The following FKBP6 variants were observed in gnomAD, a reference collection of about 807,000 sequenced individuals.
FKBP6 encodes inactive peptidyl-prolyl cis-trans isomerase FKBP6.
FKBP6 carries 29 observed loss-of-function variants against 41.7 expected under a neutral mutation model. The observed-to-expected ratio is 0.70, with a 90% CI of 0.52 to 0.95. The LOEUF (loss-of-function observed/expected upper bound fraction) is 0.95, where lower values mean the gene tolerates loss of function less well. Ranked by LOEUF, FKBP6 falls within the 40% of genes least tolerant of loss-of-function variation. FKBP6 has a pLI of 0.00. For missense variants in FKBP6, 338 were observed against 408.7 expected, an observed-to-expected ratio of 0.83 and a Z score of 1.49; for synonymous variants, 130 against 165.1, an observed-to-expected ratio of 0.79 and a Z score of 1.63.
intron 8 of FKBP6, among the ~76,000 whole-genome samples, chr7:73,344,346 A>G (rs1429113560): frequency 6.6e-6 from 1 of 152,166 alleles, no homozygotes; most frequent in Non-Finnish European, 1.5e-5. Flanking sequence ...GAGGCTGCTG[A>G]TCTTCAGATG....
chr7:73,358,434 T>A lies in FKBP6; in HGVS notation c.*256T>A, dbSNP rs1441894485. On this transcript the variant is annotated 3_prime_UTR_variant, in exon 9 of 9. Transcript: ENST00000252037. ...CACTGCTACTTTTTTTAAGGCAGTTTCTTGTTTTTTTAGACGGAATTAGTC... is the reference window on the plus strand; with the variant it reads ...CACTGCTACTTTTTTTAAGGCAGTTACTTGTTTTTTTAGACGGAATTAGTC... The A allele has an allele frequency of 6.6e-6, 1 of 152,552 alleles. No homozygotes were observed. Among genetic ancestry groups the A allele is most frequent in the Non-Finnish European group, 1.5e-5 (1 of 68,004 alleles). The allele number at this position is 152,552 out of a possible 1,614,324, so 9.4% of individuals were successfully genotyped here.
At chr7:73,330,877 C>A (rs1444576571) in intron 4 of FKBP6, among the ~76,000 whole-genome samples, 1 of 152,228 alleles carries the variant, frequency 6.6e-6, no homozygotes, top group Non-Finnish European at 1.5e-5. Context: ...TTTCACTTAA[C>A]CCTGTCCCGT....
Position 73,347,521 on chromosome 7 carries a change from C to T in FKBP6, c.*2+4622C>T, listed in dbSNP as rs80192473. On this transcript the variant is annotated intron_variant, in intron 8 of 8. Coordinates refer to ENST00000252037, the MANE Select transcript of FKBP6 (RefSeq NM_003602.5). ...TTTTGGATATTTATCTGTTGACTTC[C>T]TGCTATAATATAACTCTTTCTTCTC... 3.2e-3 allele frequency among the ~76,000 whole-genome samples: 485 copies of T among 152,298 alleles called. 1 individual carries two copies. Among genetic ancestry groups the T allele is most frequent in the Non-Finnish European group, 6.0e-3 (409 of 68,022 alleles).
At chr7:73,347,538 T>C (rs1422628189) in intron 8 of FKBP6, among the ~76,000 whole-genome samples, 3 of 152,236 alleles carry the variant, frequency 2.0e-5, no homozygotes, top group African/African-American at 7.2e-5. Flanking sequence ...AATATAACTC[T>C]TTCTTCTCTT....
intron 8 of FKBP6, among the ~76,000 whole-genome samples, chr7:73,343,328 A>G (rs1805247812): frequency 6.6e-6 from 1 of 151,750 alleles, no homozygotes; most frequent in African/African-American, 2.4e-5. Context: ...GCCTAAATTT[A>G]TTTTTTAAAA....
At chr7:73,355,622 CA>C (rs1179143112) in intron 8 of FKBP6, among the ~76,000 whole-genome samples, 3 of 150,442 alleles carry the variant, frequency 2.0e-5, no homozygotes, top group Non-Finnish European at 4.4e-5. Flanking sequence ...TCATTATGGA[CA>C]TTTTCAAACG....
intron 2 of FKBP6, 88 bp downstream of exon 2, chr7:73,328,780 G>A (rs1554546908): frequency 6.2e-7 from 1 of 1,606,734 alleles, no homozygotes; most frequent in African/African-American, 1.3e-5. Flanking sequence ...AGCACTTAAT[G>A]GGGTTGGAAA....
chr7:73,328,853 G>C (rs1187234248), intron 2 of FKBP6, among the ~76,000 whole-genome samples, 161 bp downstream of exon 2: 3 of 152,178 alleles, frequency 2.0e-5, no homozygotes, highest in Non-Finnish European at 4.4e-5. Context: ...CAGTTGCCCA[G>C]GCTGGAGTGC....
At chr7:73,349,859 G>A (rs1805441031) in intron 8 of FKBP6, among the ~76,000 whole-genome samples, 1 of 152,010 alleles carries the variant, frequency 6.6e-6, no homozygotes, top group African/African-American at 2.4e-5. Context: ...ACAATTGGTT[G>A]AATGGTTGGC....
At chr7:73,330,783 G>A (rs888038922) in intron 4 of FKBP6, among the ~76,000 whole-genome samples, 1 of 152,130 alleles carries the variant, frequency 6.6e-6, no homozygotes, top group East Asian at 1.9e-4. Flanking sequence ...CCATGACATC[G>A]GGTTTAAACT....
At chr7:73,346,583 T>G (rs1554550307) in intron 8 of FKBP6, among the ~76,000 whole-genome samples, 1 of 152,034 alleles carries the variant, frequency 6.6e-6, no homozygotes, top group African/African-American at 2.4e-5. Context: ...TAGGGCATTA[T>G]AGAGGAGGAG....
At chr7:73,344,908 T>C (rs1554550091) in intron 8 of FKBP6, among the ~76,000 whole-genome samples, 1 of 152,224 alleles carries the variant, frequency 6.6e-6, no homozygotes, top group African/African-American at 2.4e-5. Context: ...ACTTTTGTTC[T>C]TTTCATCTTA....
At chr7:73,334,350 C>G (rs1296727489) in intron 5 of FKBP6, among the ~76,000 whole-genome samples, 2 of 152,088 alleles carry the variant, frequency 1.3e-5, no homozygotes, top group African/African-American at 4.8e-5. Context: ...GTCTGGAACT[C>G]CTATTATCAG....
intron 8 of FKBP6, among the ~76,000 whole-genome samples, chr7:73,343,435 G>T (rs1181698517): frequency 1.3e-5 from 2 of 152,144 alleles, no homozygotes; most frequent in African/African-American, 4.8e-5. Context: ...ATAGAGCTGG[G>T]CTTTGACGTG....
chr7:73,340,915 G>GTT, intron 6 of FKBP6, 83 bp downstream of exon 6: 1 of 637,056 alleles, frequency 1.6e-6, no homozygotes, highest in African/African-American at 2.0e-5. Context: ...CAAAAATGCT[G>GTT]TCTTTTTTTT....
At chr7:73,348,486 C>A (rs556223212) in intron 8 of FKBP6, among the ~76,000 whole-genome samples, 6 of 152,338 alleles carry the variant, frequency 3.9e-5, no homozygotes, top group African/African-American at 1.4e-4. Flanking sequence ...ACACTCAGGA[C>A]TTCCAGAACA....
intron 8 of FKBP6, among the ~76,000 whole-genome samples, chr7:73,353,548 C>A (rs955700097): frequency 6.6e-6 from 1 of 152,150 alleles, no homozygotes; most frequent in African/African-American, 2.4e-5. Flanking sequence ...GGACACAGCT[C>A]ACCTCATCTT....
chr7:73,339,793 A>G lies in FKBP6; in HGVS notation c.589-845A>G, dbSNP rs375511505. ...CACACCCAGCTGATTTCGTATTTTT[A>G]GTAGAGATGGGGTTTCACCATGTTG... On this transcript the variant is annotated intron_variant, in intron 5 of 8. Coordinates refer to ENST00000252037, the MANE Select transcript of FKBP6 (RefSeq NM_003602.5). 1.9e-4 allele frequency among the ~76,000 whole-genome samples: 29 copies of G among 151,994 alleles called. No homozygotes were observed. The South Asian group carries it at 4.6e-3, about 24-fold the overall frequency.
Position 73,328,249 on chromosome 7 carries a change from G to A in FKBP6, c.-180G>A, listed in dbSNP as rs1462426559. ...TCCAGAGCTCGCGAGGGCCAGGGCC[G>A]TTGGCGGCGGTTGGAACGAAACGAT... On this transcript the variant is annotated 5_prime_UTR_variant, in exon 1 of 9. Coordinates refer to ENST00000252037, the MANE Select transcript of FKBP6 (RefSeq NM_003602.5). 26 of 1,548,962 alleles carry A rather than the reference G, an allele frequency of 1.7e-5. No homozygotes were observed. Among genetic ancestry groups the A allele is most frequent in the Non-Finnish European group, 2.3e-5 (26 of 1,146,640 alleles).
Sources: gnomAD v4.1 joint callset for allele counts (sites outside exome capture counted in the v4.1 genomes callset) on GRCh38, gnomAD v4.1.1 for gene constraint, MANE v1.5 for transcripts, NCBI Gene and HGNC (gene_info 2026-07-23, HGNC 2026-07-21) for gene names.